The following SORBS2 variants were observed in gnomAD, a reference collection of about 807,000 sequenced individuals.
The protein encoded by SORBS2 is sorbin and SH3 domain-containing protein 2.
In SORBS2, 46 loss-of-function variants were observed where a neutral mutation model predicts 97.7. That is an observed-to-expected ratio of 0.47 (90% CI 0.37 to 0.60). SORBS2 has a LOEUF of 0.60. Ranked by LOEUF, SORBS2 falls within the 20% of genes least tolerant of loss-of-function variation. The pLI, the probability that SORBS2 is intolerant of heterozygous loss-of-function variation, is 0.00. For missense variants in SORBS2, 1,316 were observed against 1,282.3 expected (o/e 1.03, Z -0.40); for synonymous variants, 476 against 473.4 (o/e 1.01, Z -0.07).
At chr4:185,933,778 G>A (rs189823005) in intron 1 of SORBS2, among the ~76,000 whole-genome samples, 6 of 152,208 alleles carry the variant, frequency 3.9e-5, no homozygotes, top group Admixed American at 6.5e-5. Flanking sequence ...CACATACGTA[G>A]GTACTGGAGG....
At chr4:185,596,623 C>T (rs1250083550) in intron 12 of SORBS2, among the ~76,000 whole-genome samples, 1 of 149,568 alleles carries the variant, frequency 6.7e-6, no homozygotes, top group Non-Finnish European at 1.5e-5. Context: ...CAACCTCTGC[C>T]TCCCGGGTTC....
chr4:185,765,787 C>G (rs1292915775), intron 2 of SORBS2, among the ~76,000 whole-genome samples: 1 of 152,164 alleles, frequency 6.6e-6, no homozygotes, highest in Non-Finnish European at 1.5e-5. Context: ...TATTTTATTA[C>G]TTTTTCCACA....
intron 1 of SORBS2, among the ~76,000 whole-genome samples, chr4:185,838,420 G>A (rs572785686): frequency 2.0e-5 from 3 of 152,214 alleles, no homozygotes; most frequent in Admixed American, 6.5e-5. Flanking sequence ...ACTCACGGAT[G>A]CGCTGGTTGC....
At chr4:185,602,622 T>C (rs2096289436) in intron 12 of SORBS2, among the ~76,000 whole-genome samples, 1 of 152,266 alleles carries the variant, frequency 6.6e-6, no homozygotes, top group African/African-American at 2.4e-5. Flanking sequence ...TGCTATACTA[T>C]GTCATTAAAA....
At chr4:185,682,419 G>A (rs995747035) in intron 2 of SORBS2, among the ~76,000 whole-genome samples, 1 of 152,166 alleles carries the variant, frequency 6.6e-6, no homozygotes, top group African/African-American at 2.4e-5. Flanking sequence ...ATTGTCCAGT[G>A]GGAATTTACT....
chr4:185,682,393 G>A (rs906332231), intron 2 of SORBS2, among the ~76,000 whole-genome samples: 1 of 152,154 alleles, frequency 6.6e-6, no homozygotes, highest in Non-Finnish European at 1.5e-5. Context: ...TAAAATATCC[G>A]TGTGTGCTCT....
intron 1 of SORBS2, among the ~76,000 whole-genome samples, chr4:185,805,215 T>C (rs562189087): frequency 8.9e-4 from 87 of 98,300 alleles, no homozygotes; most frequent in Non-Finnish European, 1.5e-3. Flanking sequence ...GTATAATGCT[T>C]CTCACCAGGA....
At chr4:185,743,827 A>G (rs1030613728) in intron 2 of SORBS2, among the ~76,000 whole-genome samples, 6 of 125,844 alleles carry the variant, frequency 4.8e-5, no homozygotes, top group African/African-American at 1.6e-4. Context: ...CTCTTCTTCT[A>G]TCTTCTTTCC....
At chr4:185,617,631 G>A (rs1488180398) in intron 9 of SORBS2, among the ~76,000 whole-genome samples, 3 of 152,058 alleles carry the variant, frequency 2.0e-5, no homozygotes, top group African/African-American at 7.2e-5. Context: ...GTTTCTTAAA[G>A]GTCTGTGCAC....
chr4:185,932,069 T>C (rs2099266777), intron 1 of SORBS2, among the ~76,000 whole-genome samples: 1 of 151,802 alleles, frequency 6.6e-6, no homozygotes, highest in Non-Finnish European at 1.5e-5. Context: ...GTGTTTATTA[T>C]ATATTTATTT....
At chr4:185,717,835 G>A (rs547768120) in intron 2 of SORBS2, among the ~76,000 whole-genome samples, 16 of 152,300 alleles carry the variant, frequency 1.1e-4, no homozygotes, top group East Asian at 9.6e-4. Flanking sequence ...CTTATTAGCC[G>A]CATGACCTGG....
At chr4:185,822,417 G>T (rs767457994) in intron 1 of SORBS2, among the ~76,000 whole-genome samples, 6 of 152,206 alleles carry the variant, frequency 3.9e-5, no homozygotes, top group Non-Finnish European at 8.8e-5. Context: ...GCACAGCAGC[G>T]CTTCTGAAGT....
At chr4:185,650,812 G>A (rs1335832136) in intron 2 of SORBS2, among the ~76,000 whole-genome samples, 1 of 152,152 alleles carries the variant, frequency 6.6e-6, no homozygotes, top group Non-Finnish European at 1.5e-5. Flanking sequence ...ACATCTTTGT[G>A]GGCCTGAAGC....
At chr4:185,829,364 A>T (rs1499014) in intron 1 of SORBS2, among the ~76,000 whole-genome samples, 10,736 of 152,238 alleles carry the variant, frequency 0.071, 558 homozygotes, top group Middle Eastern at 0.15. Context: ...TATCTATGAG[A>T]TCTGTGTGAA....
chr4:185,809,243 A>C (rs2099168990), intron 1 of SORBS2, among the ~76,000 whole-genome samples: 1 of 151,932 alleles, frequency 6.6e-6, no homozygotes, highest in African/African-American at 2.4e-5. Flanking sequence ...GTACTTTAGA[A>C]TCAGAGGCCA....
intron 1 of SORBS2, among the ~76,000 whole-genome samples, chr4:185,900,506 T>C (rs1280240755): frequency 6.6e-6 from 1 of 152,180 alleles, no homozygotes; most frequent in Non-Finnish European, 1.5e-5. Context: ...ATAGAGATGG[T>C]TATTTGCAAA....
At chr4:185,819,997 G>A (rs982169519) in intron 1 of SORBS2, among the ~76,000 whole-genome samples, 2 of 152,154 alleles carry the variant, frequency 1.3e-5, no homozygotes, top group African/African-American at 4.8e-5. Context: ...TTCTGAGGGC[G>A]GTTGTGGCAA....
At chr4:185,590,908 A>G (rs905339651) in intron 13 of SORBS2, among the ~76,000 whole-genome samples, 6 of 152,334 alleles carry the variant, frequency 3.9e-5, no homozygotes, top group African/African-American at 1.4e-4. Context: ...TGCTTTCTGT[A>G]ACAGTCATGT....
intron 1 of SORBS2, among the ~76,000 whole-genome samples, chr4:185,892,437 C>T (rs753788085): frequency 6.6e-6 from 1 of 152,146 alleles, no homozygotes; most frequent in Non-Finnish European, 1.5e-5. Context: ...CCCATAGATT[C>T]GATTCTACTG....
Sources: allele counts gnomAD v4.1 joint callset (sites outside exome capture counted in the v4.1 genomes callset), GRCh38; gene constraint gnomAD v4.1.1; transcripts MANE v1.5; gene names NCBI Gene and HGNC (gene_info 2026-07-23, HGNC 2026-07-21).